Variants in GAB1 observed in about 807,000 individuals in gnomAD.
GAB1 encodes GRB2 associated binding protein 1.
Under a neutral mutation model 66.5 loss-of-function variants are expected in GAB1, and 19 were observed. That is an observed-to-expected ratio of 0.29 (90% CI 0.20 to 0.42). The LOEUF is 0.42. GAB1 is among the 10% of genes least tolerant of loss of function. The probability of loss-of-function intolerance (pLI) is 1.00; values close to 1 mark genes in which losing one functional copy is unlikely to be tolerated. For synonymous variants in GAB1, 294 were observed against 301.4 expected (o/e 0.98, Z 0.25); for missense variants, 732 against 858.5 (o/e 0.85, Z 1.84).
chr4:143,436,219 A>G (rs2149751512), intron 3 of GAB1, among the ~76,000 whole-genome samples: 1 of 152,312 alleles, frequency 6.6e-6, no homozygotes, highest in South Asian at 2.1e-4. Context: ...TAATTTGTGC[A>G]AAAATAGCTT....
At chr4:143,344,881 T>A (rs578253904) in intron 1 of GAB1, among the ~76,000 whole-genome samples, 3 of 152,332 alleles carry the variant, frequency 2.0e-5, no homozygotes, top group African/African-American at 7.2e-5. Flanking sequence ...CACTATAACC[T>A]AAGAGCTTTT....
intron 1 of GAB1, among the ~76,000 whole-genome samples, chr4:143,379,676 T>G (rs1730573359): frequency 6.6e-6 from 1 of 152,022 alleles, no homozygotes; most frequent in Non-Finnish European, 1.5e-5. Context: ...AGCCTCGACC[T>G]CCTGGGCTCA....
rs558942720 is a variant in GAB1 at position 143,419,533 on chromosome 4, A to G, written c.367+3762A>G. 2.0e-5 allele frequency among the ~76,000 whole-genome samples: 3 copies of G among 152,248 alleles called. No individual in the cohort carries two copies. The South Asian group carries it at 6.2e-4, about 32-fold the overall frequency. ...TTGGGAAAGGGTTGTAAGAAAATTC[A>G]CAGTATGATTAATCAGATTTCTTAT... On this transcript the variant is annotated intron_variant, in intron 2 of 9. Coordinates refer to ENST00000262994, the MANE Select transcript of GAB1 (RefSeq NM_002039.4).
At chr4:143,363,702 G>A (rs1729755027) in intron 1 of GAB1, among the ~76,000 whole-genome samples, 1 of 152,162 alleles carries the variant, frequency 6.6e-6, no homozygotes, top group Non-Finnish European at 1.5e-5. Flanking sequence ...TAGAACCCCT[G>A]CACTGTTTTA....
intron 1 of GAB1, among the ~76,000 whole-genome samples, chr4:143,364,511 A>G (rs1435647366): frequency 6.6e-6 from 1 of 152,208 alleles, no homozygotes; most frequent in Non-Finnish European, 1.5e-5. Context: ...TGAGTAGTTT[A>G]CATAAAATTA....
chr4:143,359,916 T>A (rs1729598225), intron 1 of GAB1, among the ~76,000 whole-genome samples: 1 of 152,214 alleles, frequency 6.6e-6, no homozygotes, highest in South Asian at 2.1e-4. Context: ...TTTGAAGATC[T>A]CAATTTGACA....
At chr4:143,434,136 A>G in intron 3 of GAB1, 6 of 1,290,912 alleles carry the variant, frequency 4.6e-6, no homozygotes, top group African/African-American at 1.5e-5. Context: ...ACCTTCTACT[A>G]GAAGATTTTG....
At chr4:143,384,598 G>GACAGACTAGGGGCAACAGC (rs1373652223) in intron 1 of GAB1, among the ~76,000 whole-genome samples, 10 of 152,208 alleles carry the variant, frequency 6.6e-5, no homozygotes, top group Non-Finnish European at 1.3e-4. Flanking sequence ...TGCTACACCC[G>GACAGACTAGGGGCAACAGC]ACAGACTAGG....
At chr4:143,364,957 A>G (rs975334020) in intron 1 of GAB1, among the ~76,000 whole-genome samples, 7 of 141,898 alleles carry the variant, frequency 4.9e-5, no homozygotes, top group Non-Finnish European at 7.5e-5. Context: ...GGGTCACTGC[A>G]AGCTCCGCCT....
intron 6 of GAB1, chr4:143,457,910 G>T: frequency 1.7e-6 from 1 of 580,134 alleles, no homozygotes; most frequent in Non-Finnish European, 3.0e-6. Context: ...TATTTCTAAA[G>T]TGAATGCTTC....
Position 143,471,225 on chromosome 4 carries a change from A to G in GAB1, c.*2036A>G, listed in dbSNP as rs1736066790. ...ATGAATGTTTTTAGTCTAACTTATC[A>G]TTAACTTTTTACAAGTCACCATATT... On this transcript the variant is annotated 3_prime_UTR_variant, in exon 10 of 10. Transcript: ENST00000262994. 6.6e-6 allele frequency: 1 copy of G among 152,164 alleles called. No homozygotes were observed. Among genetic ancestry groups the G allele is most frequent in the African/African-American group, 2.4e-5 (1 of 41,444 alleles). The allele number at this position is 152,164 out of a possible 1,614,324, so 9.4% of individuals were successfully genotyped here. A position where few individuals can be genotyped will look rare whatever the true frequency, so the allele number is the denominator to read the frequency against.
chr4:143,372,109 G>GA (rs2149667242), intron 1 of GAB1, among the ~76,000 whole-genome samples: 1 of 152,154 alleles, frequency 6.6e-6, no homozygotes, highest in East Asian at 1.9e-4. Flanking sequence ...TGGATCACTT[G>GA]AGGTCAGGAG....
intron 6 of GAB1, among the ~76,000 whole-genome samples, chr4:143,458,947 A>G (rs1488652536): frequency 6.6e-6 from 1 of 152,016 alleles, no homozygotes; most frequent in East Asian, 1.9e-4. Context: ...TTTTATATAT[A>G]TAGTTATATA....
In GAB1 at chr4:143,338,424, T is replaced by G. The variant is rs1728727635; in HGVS notation, c.72+1164T>G. On this transcript the variant is annotated intron_variant, in intron 1 of 9. Coordinates refer to ENST00000262994, the MANE Select transcript of GAB1 (RefSeq NM_002039.4). The stretch of plus-strand genomic sequence containing the variant: ...CAGGTTAATCCTGTTAGTCACTGTT[T>G]GCTTGTATAGAACAGAGTGAAGTAC... Among the ~76,000 whole-genome samples, 3 of 152,344 alleles carry G rather than the reference T, an allele frequency of 2.0e-5. 1 individual carries two copies. Among genetic ancestry groups the G allele is most frequent in the South Asian group, 4.1e-4 (2 of 4,828 alleles).
In GAB1 at chr4:143,396,171, C is replaced by A. The variant is rs1297701016; in HGVS notation, c.73-19306C>A. Among the ~76,000 whole-genome samples the A allele has an allele frequency of 2.6e-5, 4 of 152,130 alleles. No individual in the cohort carries two copies. The East Asian group carries it at 7.7e-4, about 29-fold the overall frequency. ...TCCGCCGAATGGCATGGGGTAGTGA[C>A]CCTGACTCTGGACAAGGAGAGAAGC... is the stretch of plus-strand genomic sequence containing the variant. On this transcript the variant is annotated intron_variant, in intron 1 of 9. Transcript: ENST00000262994.
At position 143,466,240 on chromosome 4, in the gene GAB1, ACATGT is replaced by A. The variant is rs1447139668; in HGVS notation, c.1926+17_1926+21del. On this transcript the variant is annotated intron_variant, in intron 9 of 9. Coordinates refer to ENST00000262994, the MANE Select transcript of GAB1 (RefSeq NM_002039.4). ...CACCACGTAAGGTGAGTGACATGTG[ACATGT>A]CTCTTCTTTGTATACAGTTAGTTCA... 1 of 1,612,322 alleles carries A rather than the reference ACATGT, an allele frequency of 6.2e-7. No individual in the cohort carries two copies. The highest frequency in any genetic ancestry group is 1.1e-5 in the South Asian group (1 of 90,882).
chr4:143,371,085 A>T (rs1730102253), intron 1 of GAB1, among the ~76,000 whole-genome samples: 1 of 152,160 alleles, frequency 6.6e-6, no homozygotes, highest in Non-Finnish European at 1.5e-5. Context: ...GGCTGGGTCA[A>T]ATGGTATTTC....
intron 1 of GAB1, among the ~76,000 whole-genome samples, chr4:143,391,081 A>G (rs1731166350): frequency 6.6e-6 from 1 of 152,222 alleles, no homozygotes; most frequent in Non-Finnish European, 1.5e-5. Context: ...GTTACAATTC[A>G]TTCATTGTGG....
chr4:143,384,796 C>T (rs1277414511), intron 1 of GAB1, among the ~76,000 whole-genome samples: 4 of 152,188 alleles, frequency 2.6e-5, no homozygotes, highest in Non-Finnish European at 1.5e-5. Flanking sequence ...GCCGAGTTGG[C>T]AGCTAGTAGG....
Sources: allele counts gnomAD v4.1 joint callset (sites outside exome capture counted in the v4.1 genomes callset), GRCh38; gene constraint gnomAD v4.1.1; transcripts MANE v1.5; gene names NCBI Gene and HGNC (gene_info 2026-07-23, HGNC 2026-07-21).